SGCZ: variants seen among roughly 807,000 people sequenced by gnomAD.
SGCZ encodes sarcoglycan zeta.
SGCZ carries 40 observed loss-of-function variants against 41.3 expected under a neutral mutation model. The ratio of observed to expected loss-of-function variants is 0.97; its 90% CI spans 0.75 to 1.26. SGCZ has a LOEUF of 1.26. SGCZ is among the 50% of genes most tolerant of loss of function. SGCZ has a pLI of 0.00. For synonymous variants in SGCZ, 206 were observed against 137.5 expected (o/e 1.50, Z -3.49); for missense variants, 552 against 369.8 (o/e 1.49, Z -4.04).
chr8:14,271,331 G>C (rs936608327), intron 3 of SGCZ, among the ~76,000 whole-genome samples: 4 of 152,072 alleles, frequency 2.6e-5, no homozygotes, highest in Non-Finnish European at 4.4e-5. Context: ...AAAAACTTTA[G>C]ATGAGAATCA....
rs148778118 is a variant in SGCZ at position 14,196,944 on chromosome 8, G to A, written c.425-32242C>T. Among the ~76,000 whole-genome samples, 110 of 152,062 alleles carry A rather than the reference G, an allele frequency of 7.2e-4. 1 individual carries two copies. The East Asian group carries it at 0.013, about 18-fold the overall frequency. On this transcript the variant is annotated intron_variant, in intron 4 of 7. Coordinates refer to ENST00000382080, the MANE Select transcript of SGCZ (RefSeq NM_139167.4). The stretch of plus-strand genomic sequence containing the variant: ...TAGAGAAAATAAATTCATGGATGAC[G>A]GAAAGGCATATAGGACAGGAAAATG...
chr8:14,558,205 T>C (rs918384224), intron 1 of SGCZ, among the ~76,000 whole-genome samples: 3 of 152,046 alleles, frequency 2.0e-5, no homozygotes, highest in East Asian at 1.9e-4. Context: ...CCAGGACCAG[T>C]TGGATTCACA....
At chr8:14,807,243 G>C (rs1478535148) in intron 1 of SGCZ, among the ~76,000 whole-genome samples, 1 of 152,060 alleles carries the variant, frequency 6.6e-6, no homozygotes, top group Non-Finnish European at 1.5e-5. Flanking sequence ...AATTAGGCAG[G>C]AGAAAGAAAT....
intron 2 of SGCZ, among the ~76,000 whole-genome samples, chr8:14,435,416 TTAG>T (rs1362729978): frequency 6.6e-6 from 1 of 152,188 alleles, no homozygotes; most frequent in Non-Finnish European, 1.5e-5. Flanking sequence ...TCACATAGCA[TTAG>T]TTTTAATTGT....
At chr8:14,250,009 A>G (rs779888093) in intron 3 of SGCZ, among the ~76,000 whole-genome samples, 4 of 152,254 alleles carry the variant, frequency 2.6e-5, no homozygotes, top group Admixed American at 6.5e-5. Context: ...TTACAAATCA[A>G]TAATGTACAT....
chr8:14,590,624 A>G (rs1805209733), intron 1 of SGCZ, among the ~76,000 whole-genome samples: 1 of 150,410 alleles, frequency 6.6e-6, no homozygotes, highest in Non-Finnish European at 1.5e-5. Context: ...ATGAAACAAC[A>G]AATGGCAAAA....
In SGCZ at chr8:15,119,794, A is replaced by C. The variant is rs543350495; in HGVS notation, c.39+117791T>G. On this transcript the variant is annotated intron_variant, in intron 1 of 7. Transcript: ENST00000382080. ...CTTATATTCTCTCCATCTGGCCCTA[A>C]CACTTCTCAATTCCACTTTTATATT... 3.3e-5 allele frequency among the ~76,000 whole-genome samples: 5 copies of C among 152,112 alleles called. No homozygotes were observed. The South Asian group carries it at 1.0e-3, about 32-fold the overall frequency.
chr8:14,841,378 A>G (rs888135929), intron 1 of SGCZ, among the ~76,000 whole-genome samples: 41 of 152,086 alleles, frequency 2.7e-4, no homozygotes, highest in African/African-American at 9.2e-4. Context: ...ATTGGATTTC[A>G]CCTTGCATTC....
At chr8:14,801,376 T>A (rs1031136564) in intron 1 of SGCZ, among the ~76,000 whole-genome samples, 1 of 152,210 alleles carries the variant, frequency 6.6e-6, no homozygotes, top group African/African-American at 2.4e-5. Context: ...CTATGAAGTA[T>A]GGTAAGTGAT....
At chr8:14,900,627 C>T (rs1260764034) in intron 1 of SGCZ, among the ~76,000 whole-genome samples, 1 of 152,152 alleles carries the variant, frequency 6.6e-6, no homozygotes, top group Non-Finnish European at 1.5e-5. Context: ...CCTTCAAGAC[C>T]TGTCATTATA....
intron 5 of SGCZ, among the ~76,000 whole-genome samples, chr8:14,122,571 T>C (rs1744110271): frequency 6.6e-6 from 1 of 152,250 alleles, no homozygotes; most frequent in Non-Finnish European, 1.5e-5. Context: ...AGAATACTTT[T>C]AGCCATTTAA....
chr8:14,125,333 C>G (rs1055382750), intron 5 of SGCZ, among the ~76,000 whole-genome samples: 1 of 152,090 alleles, frequency 6.6e-6, no homozygotes, highest in Middle Eastern at 3.4e-3. Flanking sequence ...GAAACCCCGT[C>G]TTTACTAAAA....
intron 1 of SGCZ, among the ~76,000 whole-genome samples, chr8:14,897,433 G>A (rs970349247): frequency 4.6e-5 from 7 of 152,104 alleles, no homozygotes; most frequent in East Asian, 1.9e-4. Context: ...ACTTGATGCC[G>A]AGTTTCTTTG....
At chr8:14,354,460 T>G (rs1035187338) in intron 2 of SGCZ, among the ~76,000 whole-genome samples, 3 of 151,882 alleles carry the variant, frequency 2.0e-5, no homozygotes, top group Non-Finnish European at 4.4e-5. Context: ...ACAACAAAAA[T>G]TAGTACTCTT....
chr8:14,309,876 T>C (rs1801472572), intron 3 of SGCZ, among the ~76,000 whole-genome samples: 1 of 151,982 alleles, frequency 6.6e-6, no homozygotes, highest in African/African-American at 2.4e-5. Context: ...TTGGCTAGAG[T>C]TTCTGCTATC....
At chr8:14,506,823 C>T (rs564753789) in intron 2 of SGCZ, among the ~76,000 whole-genome samples, 9 of 152,148 alleles carry the variant, frequency 5.9e-5, no homozygotes, top group Non-Finnish European at 1.0e-4. Flanking sequence ...TGACTTCAGG[C>T]AGCCCACATT....
chr8:14,233,468 G>C (rs1473187610), intron 4 of SGCZ, among the ~76,000 whole-genome samples: 2 of 150,828 alleles, frequency 1.3e-5, no homozygotes, highest in East Asian at 3.9e-4. Context: ...GTGGGAAACA[G>C]TATTACATTT....
At chr8:14,540,291 T>A (rs772112373) in intron 2 of SGCZ, among the ~76,000 whole-genome samples, 1 of 145,986 alleles carries the variant, frequency 6.8e-6, no homozygotes, top group Non-Finnish European at 1.5e-5. Context: ...TTATTATCAA[T>A]CTCTGTCTTG....
At chr8:14,378,060 G>A (rs1804204092) in intron 2 of SGCZ, among the ~76,000 whole-genome samples, 1 of 149,742 alleles carries the variant, frequency 6.7e-6, no homozygotes, top group African/African-American at 2.5e-5. Flanking sequence ...TGGGATGGCT[G>A]GGTCAAATAG....
Sources: allele counts gnomAD v4.1 joint callset (sites outside exome capture counted in the v4.1 genomes callset), GRCh38; gene constraint gnomAD v4.1.1; transcripts MANE v1.5; gene names NCBI Gene and HGNC (gene_info 2026-07-23, HGNC 2026-07-21).